The following EPHA6 variants were observed in gnomAD, a reference collection of about 807,000 sequenced individuals.
EPHA6 encodes the protein EPH receptor A6, also known as ephrin type-A receptor 6.
A neutral mutation model predicts 112.0 loss-of-function variants in EPHA6; 50 were observed. The ratio of observed to expected loss-of-function variants is 0.45; its 90% confidence interval spans 0.36 to 0.56. The LOEUF (loss-of-function observed/expected upper bound fraction) is 0.56. Ranked by LOEUF, EPHA6 falls within the 20% of genes least tolerant of loss-of-function variation. EPHA6 has a pLI of 0.00. For missense variants in EPHA6, 1,280 were observed against 1,417.4 expected, an observed-to-expected ratio of 0.90 and a Z score of 1.56; for synonymous variants, 529 against 490.7, an observed-to-expected ratio of 1.08 and a Z score of -1.03.
intron 2 of EPHA6, among the ~76,000 whole-genome samples, chr3:96,911,890 T>G (rs2039234928): frequency 6.6e-6 from 1 of 152,044 alleles, no homozygotes; most frequent in Admixed American, 6.6e-5. Context: ...GATACTATTT[T>G]TCTAAAATTG....
At chr3:97,508,378 GTTT>G (rs1371694073) in intron 10 of EPHA6, among the ~76,000 whole-genome samples, 2 of 152,016 alleles carry the variant, frequency 1.3e-5, no homozygotes, top group African/African-American at 4.8e-5. Context: ...GTTCTAATTT[GTTT>G]CAAAGAACTT....
chr3:96,958,147 A>G (rs1242955007), intron 2 of EPHA6, among the ~76,000 whole-genome samples: 1 of 152,116 alleles, frequency 6.6e-6, no homozygotes, highest in African/African-American at 2.4e-5. Flanking sequence ...AAAATTAGCC[A>G]GGCGTGGCGG....
chr3:97,552,735 C>T (rs1397498704), intron 11 of EPHA6, among the ~76,000 whole-genome samples: 2 of 152,062 alleles, frequency 1.3e-5, no homozygotes, highest in Non-Finnish European at 2.9e-5. Context: ...TTTGTAATTT[C>T]CAAATTTTGT....
chr3:97,548,913 A>G (rs1324086993), intron 11 of EPHA6, among the ~76,000 whole-genome samples: 3 of 152,170 alleles, frequency 2.0e-5, no homozygotes, highest in Non-Finnish European at 4.4e-5. Flanking sequence ...AAGCCATCGG[A>G]TTATAATGGA....
chr3:96,993,560 T>C (rs1205767432), intron 3 of EPHA6, among the ~76,000 whole-genome samples: 1 of 152,108 alleles, frequency 6.6e-6, no homozygotes, highest in Non-Finnish European at 1.5e-5. Flanking sequence ...CTCTTTCATT[T>C]CCTCATTCCA....
In EPHA6 at chr3:97,462,355, G is replaced by T. The variant is rs746624891; in HGVS notation, c.1895-12997G>T. Among the ~76,000 whole-genome samples, 5 of 152,144 alleles carry T rather than the reference G, an allele frequency of 3.3e-5. No individual in the cohort carries two copies. In the South Asian group the frequency reaches 8.3e-4, roughly 25 times the overall value. On this transcript the variant is annotated intron_variant, in intron 7 of 17. Coordinates refer to ENST00000389672, the MANE Select transcript of EPHA6 (RefSeq NM_001080448.3). Reference sequence around the variant, plus strand: ...ATGATTTTTTGGACCATCCTGTGCCGTGAATCAGCTGCTACTCCCCTACGT... The same window carrying T: ...ATGATTTTTTGGACCATCCTGTGCCTTGAATCAGCTGCTACTCCCCTACGT...
chr3:97,530,806 A>T (rs578220278), intron 10 of EPHA6, among the ~76,000 whole-genome samples: 254 of 152,090 alleles, frequency 1.7e-3, no homozygotes, highest in Middle Eastern at 3.4e-3. Context: ...AAGCAAAGTT[A>T]CGCCTTGTTT....
intron 3 of EPHA6, among the ~76,000 whole-genome samples, chr3:97,177,537 C>T (rs1461001593): frequency 6.6e-6 from 1 of 151,654 alleles, no homozygotes; most frequent in Non-Finnish European, 1.5e-5. Flanking sequence ...ATAATGTTTC[C>T]TTTATATATA....
intron 5 of EPHA6, among the ~76,000 whole-genome samples, chr3:97,252,782 A>T (rs2079180619): frequency 6.6e-6 from 1 of 152,218 alleles, no homozygotes; most frequent in Non-Finnish European, 1.5e-5. Flanking sequence ...AAAGATAAAC[A>T]TTATTAAGAA....
intron 14 of EPHA6, among the ~76,000 whole-genome samples, chr3:97,666,813 A>G (rs774786627): frequency 2.0e-4 from 31 of 152,206 alleles, no homozygotes; most frequent in Non-Finnish European, 5.9e-5. Flanking sequence ...AGAACCAATG[A>G]GAGGTTGTCT....
intron 7 of EPHA6, among the ~76,000 whole-genome samples, chr3:97,472,955 G>GTAATA (rs3032867): frequency 0.19 from 28,518 of 151,332 alleles, 4,010 homozygotes; most frequent in African/African-American, 0.38. Context: ...CCTTGAGAAA[G>GTAATA]TAACTGTTTA....
chr3:97,159,201 C>T (rs2108394724), intron 3 of EPHA6, among the ~76,000 whole-genome samples: 1 of 152,246 alleles, frequency 6.6e-6, no homozygotes, highest in Middle Eastern at 3.4e-3. Context: ...TCTAGATATA[C>T]ATTTCCTTAC....
intron 6 of EPHA6, among the ~76,000 whole-genome samples, chr3:97,433,419 T>G (rs1013188220): frequency 6.6e-6 from 1 of 152,138 alleles, no homozygotes; most frequent in African/African-American, 2.4e-5. Context: ...GCAAAAGACT[T>G]CATTTACAGC....
chr3:97,533,503 A>G (rs1374406258), intron 11 of EPHA6, among the ~76,000 whole-genome samples: 5 of 152,072 alleles, frequency 3.3e-5, no homozygotes, highest in Non-Finnish European at 7.4e-5. Context: ...GAAGACAGAA[A>G]AGAATGCTTC....
rs2076108936 is a variant in EPHA6 at position 97,149,068 on chromosome 3, T to C, written c.1115-77196T>C. ...TCAGACTGGCAGTAGGATACAGAAA[T>C]AAAAGAAGAAGGCTTAAAGAAATGT... On this transcript the variant is annotated intron_variant, in intron 3 of 17. Transcript: ENST00000389672. 2.0e-5 allele frequency among the ~76,000 whole-genome samples: 3 copies of C among 152,080 alleles called. No homozygotes were observed. The South Asian group carries it at 6.2e-4, about 31-fold the overall frequency.
chr3:97,340,582 C>T (rs898610579), intron 5 of EPHA6, among the ~76,000 whole-genome samples: 2 of 152,128 alleles, frequency 1.3e-5, no homozygotes, highest in Non-Finnish European at 2.9e-5. Context: ...TTAGTCTGCT[C>T]AGGCTACCAT....
intron 5 of EPHA6, among the ~76,000 whole-genome samples, chr3:97,276,294 G>C (rs922494939): frequency 2.6e-5 from 4 of 152,110 alleles, no homozygotes; most frequent in Admixed American, 2.6e-4. Context: ...GAGAGCCTTG[G>C]GCCAGAGTTC....
In EPHA6 at chr3:96,873,066, G is replaced by A. The variant is rs139081053; in HGVS notation, c.450+6177G>A. On this transcript the variant is annotated intron_variant, in intron 2 of 17. Coordinates refer to ENST00000389672, the MANE Select transcript of EPHA6 (RefSeq NM_001080448.3). The stretch of plus-strand genomic sequence containing the variant: ...GTGGATCACCTGAGGTCAGGAGTTC[G>A]AGACCAACCTGGCCAACATGGTGAA... Among the ~76,000 whole-genome samples the A allele has an allele frequency of 2.8e-3, 430 of 151,858 alleles. 3 individuals carry two copies. The highest frequency in any genetic ancestry group is 9.6e-3 in the African/African-American group (399 of 41,432).
chr3:97,500,372 G>T (rs67841719), intron 10 of EPHA6, among the ~76,000 whole-genome samples: 16,825 of 152,116 alleles, frequency 0.11, 1,176 homozygotes, highest in East Asian at 0.19. Context: ...AGCTTCTGGG[G>T]AAGACTCAGG....
Sources: gnomAD v4.1 joint callset for allele counts (sites outside exome capture counted in the v4.1 genomes callset) on GRCh38, gnomAD v4.1.1 for gene constraint, MANE v1.5 for transcripts, NCBI Gene and HGNC (gene_info 2026-07-23, HGNC 2026-07-21) for gene names.